Variants in GRHL2 observed in about 807,000 individuals in gnomAD.
GRHL2 encodes the protein grainyhead-like protein 2 homolog.
GRHL2 carries 21 observed loss-of-function variants against 83.8 expected under a neutral mutation model. The ratio of observed to expected loss-of-function variants is 0.25; its 90% CI spans 0.18 to 0.36. The LOEUF is 0.36. Among genes scored for constraint, GRHL2 ranks in the 10% least tolerant of loss-of-function variants. The pLI, the probability that GRHL2 is intolerant of heterozygous loss-of-function variation, is 1.00. For missense variants in GRHL2, 623 were observed against 781.8 expected (o/e 0.80, Z 2.42); for synonymous variants, 280 against 278.9 (o/e 1.00, Z -0.04).
At chr8:101,653,823 G>A (rs1012966822) in intron 14 of GRHL2, among the ~76,000 whole-genome samples, 4 of 152,040 alleles carry the variant, frequency 2.6e-5, no homozygotes, top group Admixed American at 6.6e-5. Context: ...GGGTAGGCCC[G>A]GGAATCAGCA....
At chr8:101,522,065 G>A (rs1810696884) in intron 1 of GRHL2, among the ~76,000 whole-genome samples, 1 of 152,166 alleles carries the variant, frequency 6.6e-6, no homozygotes, top group Non-Finnish European at 1.5e-5. Flanking sequence ...CCTCATGGAA[G>A]AGTGCTTATA....
At chr8:101,580,051 C>T (rs1812018123) in intron 7 of GRHL2, among the ~76,000 whole-genome samples, 1 of 152,096 alleles carries the variant, frequency 6.6e-6, no homozygotes, top group Non-Finnish European at 1.5e-5. Context: ...GTCTCAATTC[C>T]CAAATCTCCA....
At chr8:101,675,893 A>T in the GRHL2 span, among the ~76,000 whole-genome samples, 1 of 151,886 alleles carries the variant, frequency 6.6e-6, no homozygotes, top group African/African-American at 2.4e-5. Flanking sequence ...CAGAGCCCTC[A>T]GAAATAATGT....
intron 1 of GRHL2, chr8:101,542,706 C>A (rs892002938): frequency 2.2e-6 from 1 of 455,692 alleles, no homozygotes; most frequent in African/African-American, 2.0e-5. Context: ...TATTGGCTCA[C>A]AATTCTGGAG....
intron 7 of GRHL2, among the ~76,000 whole-genome samples, chr8:101,589,730 G>A (rs1812238015): frequency 6.6e-6 from 1 of 152,190 alleles, no homozygotes; most frequent in South Asian, 2.1e-4. Flanking sequence ...CTAAGCCATG[G>A]AGAGTAAATA....
chr8:101,588,534 C>T (rs558800450), intron 7 of GRHL2, among the ~76,000 whole-genome samples: 3 of 152,298 alleles, frequency 2.0e-5, no homozygotes, highest in South Asian at 4.1e-4. Flanking sequence ...TACCTTCCTA[C>T]GTCACTTAAC....
chr8:101,568,185 A>G (rs1357371514), intron 4 of GRHL2, among the ~76,000 whole-genome samples: 1 of 152,264 alleles, frequency 6.6e-6, no homozygotes, highest in Non-Finnish European at 1.5e-5. Context: ...TCAGATGTTT[A>G]AATTTATTTC....
At chr8:101,618,947 C>A (rs767801179) in intron 8 of GRHL2, among the ~76,000 whole-genome samples, 3 of 151,880 alleles carry the variant, frequency 2.0e-5, no homozygotes, top group Non-Finnish European at 4.4e-5. Flanking sequence ...GCCACTTATG[C>A]AGGTTTAAAA....
intron 7 of GRHL2, among the ~76,000 whole-genome samples, chr8:101,595,027 G>A (rs190900816): frequency 2.8e-4 from 42 of 152,240 alleles, no homozygotes; most frequent in African/African-American, 8.7e-4. Context: ...AAGGATAATC[G>A]TCTTGTTCAT....
intron 1 of GRHL2, among the ~76,000 whole-genome samples, chr8:101,539,728 A>G (rs560745598): frequency 1.3e-5 from 2 of 152,370 alleles, no homozygotes; most frequent in African/African-American, 4.8e-5. Context: ...CTACCAAAGT[A>G]TCCTTCACTT....
In GRHL2 at chr8:101,576,420, A is replaced by G. The variant is rs79199862; in HGVS notation, c.892-988A>G. On this transcript the variant is annotated intron_variant, in intron 6 of 15. Transcript: ENST00000646743. Reference sequence around the variant, plus strand: ...TTATTTGCAGACATAGGGTCTCACTATGTTCCCCAGGCTGGTCTTGAATTC... The same window carrying G: ...TTATTTGCAGACATAGGGTCTCACTGTGTTCCCCAGGCTGGTCTTGAATTC... Among the ~76,000 whole-genome samples the G allele has an allele frequency of 5.1e-3, 771 of 152,156 alleles. 13 individuals are homozygous for G. The highest frequency in any genetic ancestry group is 0.018 in the African/African-American group (728 of 41,516).
At chr8:101,628,539 T>C (rs674011) in intron 9 of GRHL2, among the ~76,000 whole-genome samples, 3,649 of 152,240 alleles carry the variant, frequency 0.024, 59 homozygotes, top group Middle Eastern at 0.11. Context: ...CTGCAGCCCA[T>C]GGATCGAGGA....
At chr8:101,544,255 A>T (rs1397161213) in intron 2 of GRHL2, among the ~76,000 whole-genome samples, 2 of 152,196 alleles carry the variant, frequency 1.3e-5, no homozygotes, top group Non-Finnish European at 2.9e-5. Context: ...CAGTTTTATA[A>T]GGAACATTCC....
At chr8:101,640,480 G>A (rs1251548958) in intron 12 of GRHL2, among the ~76,000 whole-genome samples, 2 of 152,158 alleles carry the variant, frequency 1.3e-5, no homozygotes, top group Non-Finnish European at 2.9e-5. Context: ...ATTTATGGAT[G>A]TCTCTTATGG....
At chr8:101,560,679 A>G (rs1255433494) in intron 4 of GRHL2, among the ~76,000 whole-genome samples, 2 of 152,192 alleles carry the variant, frequency 1.3e-5, no homozygotes, top group African/African-American at 2.4e-5. Context: ...GGTAACTTTT[A>G]AACTTCAGCT....
chr8:101,619,297 C>A (rs538087273), intron 8 of GRHL2, among the ~76,000 whole-genome samples: 2 of 152,050 alleles, frequency 1.3e-5, no homozygotes, highest in African/African-American at 4.8e-5. Flanking sequence ...GATATACTTC[C>A]AGGAAAGCAG....
rs150251729 is a variant in GRHL2 at position 101,610,677 on chromosome 8, T to G, written c.1099-8862T>G. On this transcript the variant is annotated intron_variant, in intron 8 of 15. Coordinates refer to ENST00000646743, the MANE Select transcript of GRHL2 (RefSeq NM_024915.4). ...TACCTATTTAAAAGAAGAAAGTGAGTCCCAGAAAGGTTAGACAATGAGTCC... is the reference window on the plus strand; with the variant it reads ...TACCTATTTAAAAGAAGAAAGTGAGGCCCAGAAAGGTTAGACAATGAGTCC... Among the ~76,000 whole-genome samples the G allele has an allele frequency of 5.0e-4, 76 of 150,822 alleles. 5 individuals carry two copies. Among genetic ancestry groups the G allele is most frequent in the African/African-American group, 1.9e-3 (76 of 40,366 alleles).
At chr8:101,589,920 C>T (rs1469751949) in intron 7 of GRHL2, among the ~76,000 whole-genome samples, 4 of 152,094 alleles carry the variant, frequency 2.6e-5, no homozygotes, top group African/African-American at 7.2e-5. Context: ...AGATGAATTT[C>T]GTAAGTTCTA....
chr8:101,505,330 C>T (rs1328671500), intron 1 of GRHL2, among the ~76,000 whole-genome samples: 1 of 152,116 alleles, frequency 6.6e-6, no homozygotes, highest in African/African-American at 2.4e-5. Context: ...ATAATCCCAG[C>T]ACTTAGGGAG....
Sources: allele counts gnomAD v4.1 joint callset (sites outside exome capture counted in the v4.1 genomes callset), GRCh38; gene constraint gnomAD v4.1.1; transcripts MANE v1.5; gene names NCBI Gene and HGNC (gene_info 2026-07-23, HGNC 2026-07-21).